The following ZNF518A variants were observed in gnomAD, a reference collection of about 807,000 sequenced individuals.
ZNF518A encodes the protein zinc finger protein 518A.
Under a neutral mutation model 102.7 loss-of-function variants are expected in ZNF518A, and 47 were observed. That is an observed-to-expected ratio of 0.46 (90% CI 0.36 to 0.58). The LOEUF (loss-of-function observed/expected upper bound fraction) is 0.58, where lower values mean the gene tolerates loss of function less well. ZNF518A is among the 20% of genes least tolerant of loss of function. The pLI is 0.00. For synonymous variants in ZNF518A, 652 were observed against 594.6 expected, an observed-to-expected ratio of 1.10 and a Z score of -1.40; for missense variants, 1,793 against 1,699.8, an observed-to-expected ratio of 1.05 and a Z score of -0.96.
At chr10:96,196,392 T>A (rs2083466565) in intron 1 of ZNF518A, among the ~76,000 whole-genome samples, 1 of 152,190 alleles carries the variant, frequency 6.6e-6, no homozygotes. Flanking sequence ...AAAGTTAATG[T>A]TTGATTAATA....
chr10:96,149,460 A>G (rs1554879705), intron 3 of ZNF518A, among the ~76,000 whole-genome samples: 1 of 152,228 alleles, frequency 6.6e-6, no homozygotes, highest in African/African-American at 2.4e-5. Flanking sequence ...AGACTTCTGT[A>G]GTGGGGAAAC....
In ZNF518A at chr10:96,160,170, A is replaced by T. The variant is rs781884992; in HGVS notation, c.3848A>T (p.Asp1283Val). The T allele has an allele frequency of 3.1e-6, 5 of 1,609,778 alleles. No homozygotes were observed. In the Admixed American group the frequency reaches 6.8e-5, roughly 22 times the overall value. The change falls in exon 6 of 6, where the codon GAT (aspartate) becomes GTT (valine). Residue 1283 changes from aspartate to valine, a missense_variant. Physicochemically the swap from Asp to Val is radical, Grantham distance 152. This residue lies in a region of ZNF518A where 1,741 missense variants were observed against 1,622.6 expected (regional missense o/e 1.07). Transcript: ENST00000316045. ...RNRNCKRKCR[D>V]SYQEPPRRKA... ...AGAAACTGTAAACGAAAGTGTAGGG[A>T]TAGTTACCAAGAACCTCCAAGAAGA... is the stretch of plus-strand genomic sequence containing the variant.
At chr10:96,189,694 T>C (rs2083298481) in intron 1 of ZNF518A, 7 of 681,920 alleles carry the variant, frequency 1.0e-5, no homozygotes, top group Non-Finnish European at 1.9e-5. Flanking sequence ...TTCCTCATCA[T>C]CAAAATCATC....
At chr10:96,144,530 A>G (rs2082082253) in intron 3 of ZNF518A, among the ~76,000 whole-genome samples, 1 of 152,216 alleles carries the variant, frequency 6.6e-6, no homozygotes, top group Non-Finnish European at 1.5e-5. Context: ...GAGTATTTTC[A>G]AGGAAAATAT....
exon 2 of ZNF518A, chr10:96,203,601 C>CAGA (rs1261606790): frequency 7.2e-5 from 11 of 152,814 alleles, no homozygotes; most frequent in Admixed American, 3.3e-4. Context: ...AAAAATTATC[C>CAGA]AGATATTTGC....
At chr10:96,178,053 A>G (rs2083216562) in intron 1 of ZNF518A, among the ~76,000 whole-genome samples, 1 of 152,142 alleles carries the variant, frequency 6.6e-6, no homozygotes, top group Non-Finnish European at 1.5e-5. Context: ...CTCTCTCAGT[A>G]ATTGATAGAA....
intron 1 of ZNF518A, among the ~76,000 whole-genome samples, chr10:96,178,730 AAG>A (rs1420966460): frequency 1.3e-5 from 2 of 152,078 alleles, no homozygotes; most frequent in East Asian, 1.9e-4. Context: ...AAAAATGTTA[AAG>A]AGGGGACATT....
At chr10:96,166,495 C>T (rs2083141276), downstream of ZNF518A, among the ~76,000 whole-genome samples, 2 of 151,994 alleles carry the variant, frequency 1.3e-5, no homozygotes, top group Admixed American at 1.3e-4. Flanking sequence ...GGAGGCCAGG[C>T]ACGGTGGCTC....
At chr10:96,169,772 A>G (rs1437065519) in intron 1 of ZNF518A, among the ~76,000 whole-genome samples, 1 of 152,204 alleles carries the variant, frequency 6.6e-6, no homozygotes, top group Non-Finnish European at 1.5e-5. Context: ...TTGTAATGTG[A>G]CAACTGAAAA....
In ZNF518A at chr10:96,156,662, G is replaced by A. The variant is rs1554882640; in HGVS notation, c.340G>A (p.Ala114Thr). The stretch of plus-strand genomic sequence containing the variant: ...TGAAGAAGAGGGTGTAAAAATGTCT[G>A]CAAAAATACTCAATTTCAGCTGTTT... ...RAEEEGVKMS[A>T]KILNFSCLKC... is the part of the protein sequence containing the mutation. Residue 114 changes from alanine (A) to threonine (T), a missense_variant, in exon 6 of 6, where the codon GCA becomes ACA. Physicochemically the swap from Ala to Thr is moderately conservative, Grantham distance 58. Around this residue, in one of 3 missense-constraint regions of ZNF518A, gnomAD observed 1,741 missense variants for 1,622.6 expected, o/e 1.07. Transcript: ENST00000316045. 1.2e-6 allele frequency: 2 copies of A among 1,613,812 alleles called. No homozygotes were observed. The highest frequency in any genetic ancestry group is 1.7e-5 in the Admixed American group (1 of 60,012).
upstream of ZNF518A, among the ~76,000 whole-genome samples, chr10:96,130,284 A>G (rs1554870883): frequency 1.3e-5 from 2 of 152,220 alleles, no homozygotes; most frequent in African/African-American, 4.8e-5. Context: ...CCGGCCATTC[A>G]GCGCTTCCGC....
At chr10:96,152,422 T>C (rs190933026) in intron 3 of ZNF518A, among the ~76,000 whole-genome samples, 1 of 152,362 alleles carries the variant, frequency 6.6e-6, no homozygotes, top group Admixed American at 6.5e-5. Context: ...AATTTTTCTT[T>C]TTTTATGTTG....
downstream of ZNF518A, among the ~76,000 whole-genome samples, chr10:96,167,894 AAGAC>A (rs1218146292): frequency 2.6e-5 from 4 of 152,248 alleles, no homozygotes; most frequent in Non-Finnish European, 2.9e-5. Flanking sequence ...TTTGTTTTAA[AAGAC>A]AGCGTTTTTA....
intron 1 of ZNF518A, among the ~76,000 whole-genome samples, chr10:96,198,274 A>G (rs2083527042): frequency 6.6e-6 from 1 of 152,212 alleles, no homozygotes; most frequent in Admixed American, 6.5e-5. Flanking sequence ...GGGAGAAAAA[A>G]TGACAAAAAA....
upstream of ZNF518A, chr10:96,130,041 G>T (rs2081239824): frequency 1.3e-5 from 2 of 152,708 alleles, no homozygotes; most frequent in Admixed American, 6.5e-5. Context: ...GTAGCGCTGC[G>T]ATCAGCTTTT....
intron 1 of ZNF518A, among the ~76,000 whole-genome samples, chr10:96,184,247 C>G (rs587601199): frequency 2.4e-4 from 37 of 152,294 alleles, no homozygotes; most frequent in Non-Finnish European, 4.6e-4. Flanking sequence ...GGTCTTGACT[C>G]TTTATCCAAT....
chr10:96,142,305 G>GGGGTGTGTGTGTGTGTGT (rs1299273019), intron 3 of ZNF518A, among the ~76,000 whole-genome samples: 8 of 104,048 alleles, frequency 7.7e-5, no homozygotes, highest in Non-Finnish European at 1.6e-4. Context: ...ATATTCTTAG[G>GGGGTGTGTGTGTGTGTGT]GTGTGTGTGT....
intron 1 of ZNF518A, among the ~76,000 whole-genome samples, chr10:96,186,150 G>A (rs1554892535): frequency 6.6e-6 from 1 of 152,214 alleles, no homozygotes; most frequent in African/African-American, 2.4e-5. Flanking sequence ...GGCTAGGAAA[G>A]GGAAATCCCC....
At chr10:96,183,452 G>T (rs1298838255) in intron 1 of ZNF518A, among the ~76,000 whole-genome samples, 1 of 152,168 alleles carries the variant, frequency 6.6e-6, no homozygotes, top group Non-Finnish European at 1.5e-5. Context: ...TGGGCATTTA[G>T]TGCTATAAAT....
Sources: gnomAD v4.1 joint callset for allele counts (sites outside exome capture counted in the v4.1 genomes callset) on GRCh38, gnomAD v4.1.1 for gene constraint, gnomAD v4.1.1 regional missense constraint, MANE v1.5 for transcripts, NCBI Gene and HGNC (gene_info 2026-07-23, HGNC 2026-07-21) for gene names.